LHFPL4: variants seen among roughly 807,000 people sequenced by gnomAD.
The protein encoded by LHFPL4 is LHFPL tetraspan subfamily member 4 protein.
LHFPL4 carries 6 observed loss-of-function variants against 20.0 expected under a neutral mutation model. The ratio of observed to expected loss-of-function variants is 0.30; its 90% CI spans 0.16 to 0.59. The LOEUF (loss-of-function observed/expected upper bound fraction) is 0.59. LHFPL4 is among the 20% of genes least tolerant of loss of function. The pLI is 0.88. For synonymous variants in LHFPL4, 129 were observed against 143.8 expected, an observed-to-expected ratio of 0.90 and a Z score of 0.74; for missense variants, 215 against 331.2, an observed-to-expected ratio of 0.65 and a Z score of 2.72.
At chr3:9,507,921 G>A (rs905678482) in intron 2 of LHFPL4, among the ~76,000 whole-genome samples, 5 of 152,320 alleles carry the variant, frequency 3.3e-5, no homozygotes, top group South Asian at 2.1e-4. Context: ...TGGGGCCCTC[G>A]TATTGCCAGT....
At chr3:9,523,983 T>TCCCC (rs373024482) in intron 2 of LHFPL4, among the ~76,000 whole-genome samples, 1 of 134,072 alleles carries the variant, frequency 7.5e-6, no homozygotes, top group Non-Finnish European at 1.6e-5. Context: ...GGCTAGTATT[T>TCCCC]CCCCCCCCCC....
chr3:9,552,143 G>A (rs1574858607), intron 2 of LHFPL4, 131 bp downstream of exon 2: 1 of 1,145,676 alleles, frequency 8.7e-7, no homozygotes, highest in Non-Finnish European at 1.2e-6. Context: ...CTGAGGGTCC[G>A]TCAGCCAAAG....
chr3:9,552,345 C>A lies in LHFPL4; in HGVS notation c.335G>T (p.Cys112Phe), dbSNP rs770177031. 3.1e-6 allele frequency: 5 copies of A among 1,613,834 alleles called. No individual in the cohort carries two copies. In the Admixed American group the frequency reaches 8.3e-5, roughly 27 times the overall value. ...GTTGCAGAAGAAGAAAAGCGAAAAG[C>A]AGGTGATGCAGCCGAGGATCAGCAC... ...SMVLILGCIT[C>F]FSLFFFCNTA... Residue 112 changes from cysteine (C) to phenylalanine (F), a missense_variant, in exon 2 of 4, where the codon TGC (cysteine) becomes TTC (phenylalanine). Coordinates refer to ENST00000287585, the MANE Select transcript of LHFPL4 (RefSeq NM_198560.3).
chr3:9,543,729 G>GTTTTTTTTTTTTTTTTTTTTTTTTTTTT (rs58872967), intron 2 of LHFPL4, among the ~76,000 whole-genome samples: 1 of 119,652 alleles, frequency 8.4e-6, no homozygotes. Flanking sequence ...TTTGGTTTTG[G>GTTTTTTTTTTTTTTTTTTTTTTTTTTTT]TTTTTTTTTT....
intron 2 of LHFPL4, among the ~76,000 whole-genome samples, chr3:9,507,987 T>C (rs930304895): frequency 6.6e-6 from 1 of 152,200 alleles, no homozygotes; most frequent in Non-Finnish European, 1.5e-5. Context: ...AGGGCTCTGT[T>C]TGGAACCGTG....
intron 2 of LHFPL4, among the ~76,000 whole-genome samples, chr3:9,521,910 C>A (rs1226414066): frequency 6.6e-6 from 1 of 152,026 alleles, no homozygotes; most frequent in Non-Finnish European, 1.5e-5. Context: ...GGATTAACAT[C>A]TACCATATTT....
At chr3:9,529,411 A>G (rs1488952230) in intron 2 of LHFPL4, among the ~76,000 whole-genome samples, 1 of 152,164 alleles carries the variant, frequency 6.6e-6, no homozygotes, top group African/African-American at 2.4e-5. Context: ...CAGATCCAAC[A>G]GAGGAACAAC....
intron 2 of LHFPL4, among the ~76,000 whole-genome samples, chr3:9,507,379 A>G (rs1462967063): frequency 1.3e-5 from 2 of 152,208 alleles, no homozygotes; most frequent in African/African-American, 4.8e-5. Flanking sequence ...ACACTGAGCA[A>G]GTTCCTTCAT....
At chr3:9,508,072 G>A (rs1033239708) in intron 2 of LHFPL4, among the ~76,000 whole-genome samples, 2 of 152,202 alleles carry the variant, frequency 1.3e-5, no homozygotes, top group Non-Finnish European at 2.9e-5. Flanking sequence ...AAGTGGGGGT[G>A]ATGGTCAGCT....
At chr3:9,516,151 TA>T (rs1174060242) in intron 2 of LHFPL4, among the ~76,000 whole-genome samples, 1 of 152,228 alleles carries the variant, frequency 6.6e-6, no homozygotes, top group African/African-American at 2.4e-5. Flanking sequence ...GTGTTGTATC[TA>T]AAAAGTCATT....
chr3:9,549,130 G>A lies in LHFPL4; in HGVS notation c.406+3144C>T, dbSNP rs1032751364. Reference sequence around the variant, plus strand: ...TTTTCTAATTTATTTAAGCCAGCTCGAGTTGGGTTTCTGTCATTTGCCACT... The same window carrying A: ...TTTTCTAATTTATTTAAGCCAGCTCAAGTTGGGTTTCTGTCATTTGCCACT... On this transcript the variant is annotated intron_variant, in intron 2 of 3. Coordinates refer to ENST00000287585, the MANE Select transcript of LHFPL4 (RefSeq NM_198560.3). Among the ~76,000 whole-genome samples the A allele has an allele frequency of 7.2e-5, 11 of 152,216 alleles. No individual in the cohort carries two copies. In the East Asian group the frequency reaches 1.4e-3, roughly 19 times the overall value.
chr3:9,509,323 T>C (rs1218020653), intron 2 of LHFPL4, among the ~76,000 whole-genome samples: 2 of 150,050 alleles, frequency 1.3e-5, no homozygotes, highest in Non-Finnish European at 2.9e-5. Flanking sequence ...TTCCCCTTTA[T>C]TTAGATCTTT....
At chr3:9,548,771 G>A (rs1349616867) in intron 2 of LHFPL4, among the ~76,000 whole-genome samples, 1 of 152,168 alleles carries the variant, frequency 6.6e-6, no homozygotes, top group Non-Finnish European at 1.5e-5. Context: ...TAGGCATGTG[G>A]CTCGGGCCTT....
chr3:9,511,219 C>T (rs186377754), intron 2 of LHFPL4, among the ~76,000 whole-genome samples: 112 of 151,816 alleles, frequency 7.4e-4, no homozygotes, highest in African/African-American at 2.3e-3. Flanking sequence ...CGCGTGGTGG[C>T]GGGTGCCTGT....
At chr3:9,539,327 C>T (rs1206477361) in intron 2 of LHFPL4, among the ~76,000 whole-genome samples, 2 of 151,638 alleles carry the variant, frequency 1.3e-5, no homozygotes, top group Admixed American at 6.6e-5. Context: ...CGGTGGTGGG[C>T]GCCTGTAGTC....
intron 2 of LHFPL4, among the ~76,000 whole-genome samples, chr3:9,520,511 G>A (rs938417248): frequency 2.0e-5 from 3 of 151,840 alleles, no homozygotes; most frequent in East Asian, 1.9e-4. Context: ...GTGCCACCAC[G>A]CCCAGCTAAT....
At chr3:9,514,689 A>G (rs1262575059) in intron 2 of LHFPL4, among the ~76,000 whole-genome samples, 1 of 152,198 alleles carries the variant, frequency 6.6e-6, no homozygotes, top group African/African-American at 2.4e-5. Context: ...ACCGTGGGCA[A>G]CCACACTGAT....
At chr3:9,534,298 G>T (rs2046431915) in intron 2 of LHFPL4, among the ~76,000 whole-genome samples, 1 of 152,058 alleles carries the variant, frequency 6.6e-6, no homozygotes, top group South Asian at 2.1e-4. Flanking sequence ...CCACCGATAG[G>T]TAACTGATTA....
At chr3:9,520,743 T>C (rs2046332239) in intron 2 of LHFPL4, among the ~76,000 whole-genome samples, 1 of 152,162 alleles carries the variant, frequency 6.6e-6, no homozygotes, top group African/African-American at 2.4e-5. Context: ...CTGTTATTGA[T>C]TTATATTTTA....
Sources: gnomAD v4.1 joint callset for allele counts (sites outside exome capture counted in the v4.1 genomes callset) on GRCh38, gnomAD v4.1.1 for gene constraint, MANE v1.5 for transcripts, NCBI Gene and HGNC (gene_info 2026-07-23, HGNC 2026-07-21) for gene names.